The following OSBP2 variants were observed in gnomAD, a reference collection of about 807,000 sequenced individuals.
OSBP2 encodes the protein oxysterol-binding protein 2.
In OSBP2, 66 loss-of-function variants were observed where a neutral mutation model predicts 96.0. That is an observed-to-expected ratio of 0.69 (90% CI 0.56 to 0.84). The LOEUF (loss-of-function observed/expected upper bound fraction) is 0.84, where lower values mean the gene tolerates loss of function less well. Among genes scored for constraint, OSBP2 ranks in the 40% least tolerant of loss-of-function variants. The pLI, the probability that OSBP2 is intolerant of heterozygous loss-of-function variation, is 0.00. For synonymous variants in OSBP2, 525 were observed against 520.9 expected (o/e 1.01, Z -0.11); for missense variants, 1,038 against 1,222.7 (o/e 0.85, Z 2.25).
chr22:30,720,621 T>C (rs778461051), intron 1 of OSBP2, among the ~76,000 whole-genome samples: 5 of 152,160 alleles, frequency 3.3e-5, no homozygotes, highest in Non-Finnish European at 7.3e-5. Flanking sequence ...TACACATCCA[T>C]GACCTTCACT....
intron 12 of OSBP2, among the ~76,000 whole-genome samples, chr22:30,898,731 G>C (rs2040120742): frequency 6.6e-6 from 1 of 151,950 alleles, no homozygotes; most frequent in Non-Finnish European, 1.5e-5. Context: ...ATTACAATTT[G>C]AGATGAGATT....
intron 1 of OSBP2, among the ~76,000 whole-genome samples, chr22:30,738,722 G>A (rs931711131): frequency 2.0e-5 from 3 of 151,606 alleles, no homozygotes; most frequent in Admixed American, 6.6e-5. Flanking sequence ...CACCGTGCCC[G>A]GCTAATTTTT....
At chr22:30,888,680 G>A (rs896393622) in intron 5 of OSBP2, among the ~76,000 whole-genome samples, 1 of 152,180 alleles carries the variant, frequency 6.6e-6, no homozygotes, top group Non-Finnish European at 1.5e-5. Flanking sequence ...AGTGAGCCAT[G>A]GTCATGCCAC....
At chr22:30,807,427 C>T (rs2090944002) in intron 2 of OSBP2, among the ~76,000 whole-genome samples, 2 of 152,196 alleles carry the variant, frequency 1.3e-5, no homozygotes, top group African/African-American at 4.8e-5. Context: ...TAGACTTGCC[C>T]CTATATGCGC....
intron 3 of OSBP2, among the ~76,000 whole-genome samples, chr22:30,882,745 G>A (rs1261213731): frequency 1.3e-5 from 2 of 152,178 alleles, no homozygotes; most frequent in Admixed American, 1.3e-4. Flanking sequence ...TCTATGAGAG[G>A]CTATCAGCTG....
intron 2 of OSBP2, among the ~76,000 whole-genome samples, chr22:30,824,366 G>C (rs932937460): frequency 5.3e-5 from 8 of 152,192 alleles, no homozygotes; most frequent in African/African-American, 1.7e-4. Flanking sequence ...GCAGTCAAGA[G>C]CAGCCAGAAC....
rs537767346 is a variant in OSBP2, at chr22:30,808,323, A to C, written c.854-62106A>C. On this transcript the variant is annotated intron_variant, in intron 2 of 13. Transcript: ENST00000332585. The stretch of plus-strand genomic sequence containing the variant: ...CAAGGCCAGCCCAGGCAACATAGCA[A>C]GATCCTGTCTCTACAAAAAATGAAA... Among the ~76,000 whole-genome samples, 340 of 152,170 alleles carry C rather than the reference A, an allele frequency of 2.2e-3. 1 individual carries two copies. Among genetic ancestry groups the C allele is most frequent in the African/African-American group, 7.5e-3 (311 of 41,558 alleles).
intron 1 of OSBP2, among the ~76,000 whole-genome samples, chr22:30,712,010 G>A (rs2089361707): frequency 6.6e-6 from 1 of 152,094 alleles, no homozygotes; most frequent in Admixed American, 6.6e-5. Flanking sequence ...CACGTGACAC[G>A]AAAGGTGCAG....
At chr22:30,751,987 A>G (rs556189082) in intron 2 of OSBP2, among the ~76,000 whole-genome samples, 2 of 151,418 alleles carry the variant, frequency 1.3e-5, no homozygotes, top group Non-Finnish European at 3.0e-5. Context: ...CACACTTCCC[A>G]AAAGAGTACC....
chr22:30,786,867 C>T (rs1031810856), intron 2 of OSBP2, among the ~76,000 whole-genome samples: 1 of 152,090 alleles, frequency 6.6e-6, no homozygotes, highest in African/African-American at 2.4e-5. Context: ...GGTGCAATCT[C>T]GGCTCACTGC....
chr22:30,737,462 A>G (rs1272233399), intron 1 of OSBP2, among the ~76,000 whole-genome samples: 2 of 151,282 alleles, frequency 1.3e-5, no homozygotes, highest in Non-Finnish European at 2.9e-5. Flanking sequence ...AGCTGGGACT[A>G]CAGGCGCACA....
intron 3 of OSBP2, among the ~76,000 whole-genome samples, chr22:30,886,143 A>G (rs1314130276): frequency 6.6e-6 from 1 of 152,232 alleles, no homozygotes; most frequent in Non-Finnish European, 1.5e-5. Flanking sequence ...CATGTGCCCA[A>G]GGTGGTTGGG....
At chr22:30,750,031 A>C (rs187526211) in intron 2 of OSBP2, among the ~76,000 whole-genome samples, 1 of 152,374 alleles carries the variant, frequency 6.6e-6, no homozygotes, top group East Asian at 1.9e-4. Flanking sequence ...GTGAAAGGTC[A>C]GAGCCAGAGG....
chr22:30,879,878 CCT>C (rs1353320885), intron 3 of OSBP2, among the ~76,000 whole-genome samples: 3 of 152,118 alleles, frequency 2.0e-5, no homozygotes, highest in Non-Finnish European at 4.4e-5. Context: ...ATAGTGAAAC[CCT>C]GTCTCTACTA....
intron 2 of OSBP2, among the ~76,000 whole-genome samples, chr22:30,853,418 T>C (rs2039013702): frequency 6.6e-6 from 1 of 152,248 alleles, no homozygotes. Context: ...TTGTGAGTGC[T>C]GTTTGCATGG....
At chr22:30,710,049 A>T (rs938232717) in intron 1 of OSBP2, among the ~76,000 whole-genome samples, 1 of 151,920 alleles carries the variant, frequency 6.6e-6, no homozygotes, top group African/African-American at 2.4e-5. Flanking sequence ...TGCCTGGCTA[A>T]TTTTTTTGGT....
At chr22:30,695,763 A>G (rs572419594) in intron 1 of OSBP2, among the ~76,000 whole-genome samples, 1 of 152,278 alleles carries the variant, frequency 6.6e-6, no homozygotes, top group East Asian at 1.9e-4. Context: ...TGCGGACATG[A>G]CCTCTGGCAA....
intron 3 of OSBP2, among the ~76,000 whole-genome samples, chr22:30,886,538 G>C (rs1365469738): frequency 1.3e-5 from 2 of 152,302 alleles, no homozygotes; most frequent in South Asian, 2.1e-4. Flanking sequence ...TCTGTGAATA[G>C]AGATTCTTTA....
chr22:30,905,517 A>G (rs1020018290), intron 12 of OSBP2, among the ~76,000 whole-genome samples: 5 of 152,192 alleles, frequency 3.3e-5, no homozygotes, highest in African/African-American at 9.6e-5. Flanking sequence ...AGAAGAAGAA[A>G]AAAAAACATA....
Sources: gnomAD v4.1 joint callset for allele counts (sites outside exome capture counted in the v4.1 genomes callset) on GRCh38, gnomAD v4.1.1 for gene constraint, MANE v1.5 for transcripts, NCBI Gene and HGNC (gene_info 2026-07-23, HGNC 2026-07-21) for gene names.